TTN: variants seen among roughly 807,000 people sequenced by gnomAD.
TTN encodes the protein connectin.
Under a neutral mutation model 3,223.0 loss-of-function variants are expected in TTN, and 1,525 were observed. That is an observed-to-expected ratio of 0.47 (90% confidence interval 0.45 to 0.49). TTN has a LOEUF of 0.49. Among genes scored for constraint, TTN ranks in the 20% least tolerant of loss-of-function variants. The probability of loss-of-function intolerance (pLI) is 0.00; values close to 1 mark genes in which losing one functional copy is unlikely to be tolerated. For synonymous variants in TTN, 14,094 were observed against 15,161.0 expected, an observed-to-expected ratio of 0.93 and a Z score of 5.17; for missense variants, 40,786 against 43,424.0, an observed-to-expected ratio of 0.94 and a Z score of 5.40.
At position 178,666,847 on chromosome 2, in the gene TTN, CT is replaced by C; in HGVS notation, c.35851del (p.Arg11951GlufsTer19). 2 of 1,571,972 alleles carry C rather than the reference CT, an allele frequency of 1.3e-6. No homozygotes were observed. Among genetic ancestry groups the C allele is most frequent in the South Asian group, 1.2e-5 (1 of 85,248 alleles). On this transcript the variant is annotated frameshift_variant, in exon 163 of 363. Transcript: ENST00000589042. LOFTEE classifies it high-confidence loss of function. Reference sequence around the variant, plus strand: ...ACCTGTTGGTGATGGTGTTTTTCTTCTTTTAACAATAGGAGTTTCTCCCTCT... The same window carrying C: ...ACCTGTTGGTGATGGTGTTTTTCTTCTTTAACAATAGGAGTTTCTCCCTCT... Reference protein sequence around the residue: ...IPEGETPIVKRRKTPSPTVPE... With the variant: ...IPEGETPIVKXRKTPSPTVPE...
chr2:178,720,881 AGAG>A (rs1276348057), intron 79 of TTN, 37 bp downstream of exon 79: 5 of 1,532,068 alleles, frequency 3.3e-6, no homozygotes, highest in African/African-American at 2.8e-5. Flanking sequence ...AGCCCAAATC[AGAG>A]GAGAATAAAG....
chr2:178,752,553 A>G (rs2085847095), intron 47 of TTN, among the ~76,000 whole-genome samples: 1 of 152,104 alleles, frequency 6.6e-6, no homozygotes, highest in Non-Finnish European at 1.5e-5. Context: ...ATAAAGTCAC[A>G]ATGTTATGCA....
chr2:178,533,403 G>A lies in TTN; in HGVS notation c.103212C>T (p.Ser34404=), dbSNP rs770309482. Residue 34404 remains serine (S), a synonymous_variant, in exon 358 of 363, where the codon TCC becomes TCT. Coordinates refer to ENST00000589042, the MANE Select transcript of TTN (RefSeq NM_001267550.2). ...LKWEKDGQPL[S]LGPNIEIIHE... ...GGATAATTTCAATGTTAGGCCCGAG[G>A]GACAGTGGCTGACCATCTTTCTCCC... The A allele has an allele frequency of 6.2e-7, 1 of 1,613,766 alleles. No homozygotes were observed.
chr2:178,574,852 G>C lies in TTN; in HGVS notation c.71280C>G (p.Ser23760Arg), dbSNP rs762923925. ...PPENDGGVPI[S>R]NYVVEMRQTD... is the part of the protein sequence containing the mutation. ...TCTGCCGCATTTCCACTACATAGTT[G>C]CTTATTGGTACACCACCATCGTTCT... is the stretch of plus-strand genomic sequence containing the variant. Residue 23760 changes from serine to arginine, a missense_variant, in exon 326 of 363, where the codon AGC (serine) becomes AGG (arginine). Physicochemically the swap from Ser to Arg is moderately radical, Grantham distance 110 (BLOSUM62 -1). Coordinates refer to ENST00000589042, the MANE Select transcript of TTN (RefSeq NM_001267550.2). 4 of 1,613,074 alleles carry C rather than the reference G, an allele frequency of 2.5e-6. No homozygotes were observed.
intron 46 of TTN, chr2:178,753,412 A>G (rs2086118726): frequency 7.2e-6 from 3 of 418,396 alleles, no homozygotes; most frequent in Non-Finnish European, 1.3e-5. Context: ...TGAAATTTCC[A>G]CTTTTAGTTC....
At position 178,586,736 on chromosome 2, in the gene TTN, G is replaced by T. The variant is rs2049063426; in HGVS notation, c.64165C>A (p.Pro21389Thr). 1 of 1,612,968 alleles carries T rather than the reference G, an allele frequency of 6.2e-7. No homozygotes were observed. Among genetic ancestry groups the T allele is most frequent in the African/African-American group, 1.3e-5 (1 of 74,848 alleles). ...TTAGCACCTCCATCACGTAGGGGAG[G>T]TAACCAGGCTAAGGTGGCACTGTTC... ...TKNSATLAWL[P>T]PLRDGGAKID... Residue 21389 changes from proline (P) to threonine (T), a missense_variant, in exon 308 of 363, where the codon CCT (proline) becomes ACT (threonine). Transcript: ENST00000589042.
At position 178,764,706 on chromosome 2, in the gene TTN, A is replaced by G; in HGVS notation, c.9809T>C (p.Ile3270Thr). The G allele has an allele frequency of 1.2e-6, 2 of 1,614,116 alleles. No individual in the cohort carries two copies. Among genetic ancestry groups the G allele is most frequent in the South Asian group, 1.1e-5 (1 of 91,076 alleles). ...AVISGRPQPK[I>T]SWYKEEQLLS... is the part of the protein sequence containing the mutation. Reference sequence around the variant, plus strand: ...CAGCTGCTCTTCCTTGTACCAGGAAATTTTGGGCTGTGGTCTTCCGGATAT... The same window carrying G: ...CAGCTGCTCTTCCTTGTACCAGGAAGTTTTGGGCTGTGGTCTTCCGGATAT... Residue 3270 changes from isoleucine (I) to threonine (T), a missense_variant, in exon 42 of 363, where the codon ATT becomes ACT. Transcript: ENST00000589042.
Position 178,624,692 on chromosome 2 carries a change from G to T in TTN, c.44588C>A (p.Thr14863Lys), listed in dbSNP as rs759406486. The change falls in exon 242 of 363, where the codon ACG becomes AAG. Residue 14863 changes from threonine (T) to lysine (K), a missense_variant. Physicochemically the swap from Thr to Lys is moderately conservative, Grantham distance 78. Transcript: ENST00000589042. ...VEFTKPLEDQ[T>K]VEEGATAVLE... ...CACTGCAGTGGCTCCCTCTTCGACC[G>T]TCTGGTCCTCAAGAGGCTTAGTGAA... The T allele has an allele frequency of 2.5e-6, 4 of 1,612,296 alleles. No homozygotes were observed. The highest frequency in any genetic ancestry group is 1.1e-5 in the South Asian group (1 of 91,034).
rs182679164 is a variant in TTN, at chr2:178,576,364, A to G, written c.69768T>C (p.Ser23256=). 3.0e-5 allele frequency: 46 copies of G among 1,558,290 alleles called. No homozygotes were observed. The East Asian group carries it at 7.7e-4, about 26-fold the overall frequency. Reference sequence around the variant, plus strand: ...GAGGCTTGCCCCATGCCAAAGAAGCAGATTTCTTGGTAGTATCAGTGACAT... The same window carrying G: ...GAGGCTTGCCCCATGCCAAAGAAGCGGATTTCTTGGTAGTATCAGTGACAT... ...NPHVTDTTKK[S]ASLAWGKPHY... is the part of the protein sequence containing the mutation. The change falls in exon 326 of 363, where the codon TCT becomes TCC. Residue 23256 remains serine, a synonymous_variant. Transcript: ENST00000589042. The surrounding 1 kb of genome is among the most constrained non-coding windows in gnomAD (Gnocchi z 4.3).
At position 178,773,470 on chromosome 2, in the gene TTN, G is replaced by A. The variant is rs1474453684; in HGVS notation, c.7586C>T (p.Ser2529Phe). ...VGRVETNCNL[S>F]VEKIKIIRGL... ...GGTAGAATAATCCTTACTTTCTACAGAGAGATTACAGTTGGTTTCAACTCT... is the reference window on the plus strand; with the variant it reads ...GGTAGAATAATCCTTACTTTCTACAAAGAGATTACAGTTGGTTTCAACTCT... Residue 2529 changes from serine (S) to phenylalanine (F), a missense_variant, in exon 32 of 363, where the codon TCT (serine) becomes TTT (phenylalanine). Physicochemically the swap from Ser to Phe is radical, Grantham distance 155. Transcript: ENST00000589042. The A allele has an allele frequency of 1.9e-6, 3 of 1,613,990 alleles. No individual in the cohort carries two copies. Among genetic ancestry groups the A allele is most frequent in the East Asian group, 2.2e-5 (1 of 44,852 alleles).
rs1396646735 is a variant in TTN at position 178,587,635 on chromosome 2, A to G, written c.63674T>C (p.Val21225Ala). 6 of 1,612,768 alleles carry G rather than the reference A, an allele frequency of 3.7e-6. No individual in the cohort carries two copies. The highest frequency in any genetic ancestry group is 4.2e-6 in the Non-Finnish European group (5 of 1,179,396). Residue 21225 changes from valine to alanine, a missense_variant, in exon 306 of 363, where the codon GTT (valine) becomes GCT (alanine). Transcript: ENST00000589042. ...NVVRKGQVDL[V>A]DTMAFLVIPN... is the part of the protein sequence containing the mutation. ...GATGACAAGGAAGGCCATAGTGTCA[A>G]CCAGATCAACTTGTCCTTTTCTGAC... is the stretch of plus-strand genomic sequence containing the variant.
Position 178,624,488 on chromosome 2 carries a change from G to C in TTN, c.44792C>G (p.Thr14931Ser). ...TYTCDAKDFK[T>S]SCNLNVVPPH... ...ACGCACGACATTCAGGTTACAGGAAGTCTTAAAATCCTTAGCATCACAAGT... is the reference window on the plus strand; with the variant it reads ...ACGCACGACATTCAGGTTACAGGAACTCTTAAAATCCTTAGCATCACAAGT... Residue 14931 changes from threonine to serine, a missense_variant, in exon 242 of 363, where the codon ACT (threonine) becomes AGT (serine). Physicochemically the swap from Thr to Ser is moderately conservative, Grantham distance 58. Transcript: ENST00000589042. 4 of 1,612,564 alleles carry C rather than the reference G, an allele frequency of 2.5e-6. No individual in the cohort carries two copies. Among genetic ancestry groups the C allele is most frequent in the Non-Finnish European group, 3.4e-6 (4 of 1,179,016 alleles).
intron 119 of TTN, among the ~76,000 whole-genome samples, chr2:178,693,347 A>AG (rs1361777512): frequency 1.3e-5 from 2 of 152,110 alleles, no homozygotes; most frequent in East Asian, 3.9e-4. Flanking sequence ...AACTGGCTCC[A>AG]GGACACTGTA....
chr2:178,595,639 T>C lies in TTN; in HGVS notation c.57715A>G (p.Thr19239Ala). Residue 19239 changes from threonine to alanine, a missense_variant, in exon 295 of 363, where the codon ACC becomes GCC. Transcript: ENST00000589042. The part of the protein sequence containing the change: ...RAWTPVTYTV[T>A]RQNATVQGLI... ...CCCTGGACAGTAGCATTTTGTCGGG[T>C]AACTGTATATGTCACTGGGGTCCAT... is the stretch of plus-strand genomic sequence containing the variant. 6.2e-7 allele frequency: 1 copy of C among 1,606,116 alleles called. No homozygotes were observed. Among genetic ancestry groups the C allele is most frequent in the Non-Finnish European group, 8.5e-7 (1 of 1,176,100 alleles).
Position 178,533,911 on chromosome 2 carries a change from T to C in TTN, c.102704A>G (p.Tyr34235Cys). ...TTTCTTCATGGTTCTACGGCAGTAA[T>C]AGTCATAGACTTCTCTCACACCTTT... ...FVKGVREVYD[Y>C]YCRRTMKKIK... The change falls in exon 358 of 363, where the codon TAT (tyrosine) becomes TGT (cysteine). Residue 34235 changes from tyrosine to cysteine, a missense_variant. Coordinates refer to ENST00000589042, the MANE Select transcript of TTN (RefSeq NM_001267550.2). 6.2e-7 allele frequency: 1 copy of C among 1,613,882 alleles called. No individual in the cohort carries two copies. The highest frequency in any genetic ancestry group is 8.5e-7 in the Non-Finnish European group (1 of 1,179,866).
rs1709955188 is a variant in TTN at position 178,576,017 on chromosome 2, G to A, written c.70115C>T (p.Pro23372Leu). The change falls in exon 326 of 363, where the codon CCT becomes CTT. Residue 23372 changes from proline to leucine, a missense_variant. Pro to Leu is a moderately conservative substitution (Grantham distance 98). Coordinates refer to ENST00000589042, the MANE Select transcript of TTN (RefSeq NM_001267550.2). The surrounding 1 kb of genome is among the most constrained non-coding windows in gnomAD (Gnocchi z 4.3). ...TTTGGTCCATGTCACTTCAGGAGCA[G>A]GACGACCTTTAATTGGCACAAATAT... is the stretch of plus-strand genomic sequence containing the variant. ...IRIFVPIKGR[P>L]APEVTWTKDN... 1 of 1,612,954 alleles carries A rather than the reference G, an allele frequency of 6.2e-7. No homozygotes were observed. The highest frequency in any genetic ancestry group is 8.5e-7 in the Non-Finnish European group (1 of 1,179,186).
chr2:178,663,948 C>T (rs371886013), intron 169 of TTN, 46 bp from the exon 170 acceptor site: 1 of 1,611,672 alleles, frequency 6.2e-7, no homozygotes, highest in Non-Finnish European at 8.5e-7. Flanking sequence ...ATGAAGACCG[C>T]TAGAAAAAAA....
Position 178,546,033 on chromosome 2 carries a change from C to G in TTN, c.95203G>C (p.Asp31735His). 1.2e-6 allele frequency: 2 copies of G among 1,613,806 alleles called. No homozygotes were observed. The highest frequency in any genetic ancestry group is 1.7e-6 in the Non-Finnish European group (2 of 1,179,764). Reference sequence around the variant, plus strand: ...TAGTGAGTGATTTCTGCTCCTCCGTCTTCCTGCGGAAGGCTCCAGGCTAAA... The same window carrying G: ...TAGTGAGTGATTTCTGCTCCTCCGTGTTCCTGCGGAAGGCTCCAGGCTAAA... ...CTLAWSLPQE[D>H]GGAEITHYIV... The change falls in exon 343 of 363, where the codon GAC becomes CAC. Residue 31735 changes from aspartate to histidine, a missense_variant. Asp to His is a moderately conservative substitution (Grantham distance 81). Coordinates refer to ENST00000589042, the MANE Select transcript of TTN (RefSeq NM_001267550.2).
rs749079480 is a variant in TTN at position 178,568,116 on chromosome 2, A to C, written c.78016T>G (p.Ser26006Ala). Residue 26006 changes from serine to alanine, a missense_variant, in exon 326 of 363, where the codon TCC becomes GCC. Transcript: ENST00000589042. ...TPFATAISKD[S>A]MVIQWHEPVN... ...GGTTCATGCCACTGTATGACCATGG[A>C]GTCTTTGGAAATGGCTGTGGCAAAT... 1 of 1,613,318 alleles carries C rather than the reference A, an allele frequency of 6.2e-7. No individual in the cohort carries two copies. The highest frequency in any genetic ancestry group is 1.7e-5 in the Admixed American group (1 of 59,964).
Sources: allele counts gnomAD v4.1 joint callset (sites outside exome capture counted in the v4.1 genomes callset), GRCh38; gene constraint gnomAD v4.1.1; non-coding constraint Gnocchi (gnomAD v3.1); transcripts MANE v1.5; gene names NCBI Gene and HGNC (gene_info 2026-07-23, HGNC 2026-07-21).